NPTN: variants seen among roughly 807,000 people sequenced by gnomAD.
NPTN encodes the protein SDR-1.
A neutral mutation model predicts 42.7 loss-of-function variants in NPTN; 5 were observed. That is an observed-to-expected ratio of 0.12 (90% CI 0.06 to 0.25). The LOEUF (loss-of-function observed/expected upper bound fraction) is 0.25. NPTN is among the 10% of genes least tolerant of loss of function. NPTN has a pLI of 1.00. For missense variants in NPTN, 307 were observed against 525.4 expected (o/e 0.58, Z 4.06); for synonymous variants, 180 against 201.9 (o/e 0.89, Z 0.92).
rs565725520 is a variant in NPTN at position 73,578,004 on chromosome 15, G to A, written c.707-4209C>T. 1.9e-4 allele frequency among the ~76,000 whole-genome samples: 29 copies of A among 152,288 alleles called. No individual in the cohort carries two copies. The South Asian group carries it at 4.8e-3, about 25-fold the overall frequency. Reference sequence around the variant, plus strand: ...GGGAGTAGGTCACACATATCTGTAGGAAGAACACTCTAGGTCGAGGGAAAT... The same window carrying A: ...GGGAGTAGGTCACACATATCTGTAGAAAGAACACTCTAGGTCGAGGGAAAT... On this transcript the variant is annotated intron_variant, in intron 4 of 8. Transcript: ENST00000345330.
chr15:73,632,388 C>G (rs1222260090), intron 1 of NPTN, among the ~76,000 whole-genome samples: 1 of 151,596 alleles, frequency 6.6e-6, no homozygotes, highest in African/African-American at 2.4e-5. Flanking sequence ...TTTTTGCTCT[C>G]CCAACCACTA....
intron 6 of NPTN, 161 bp from the exon 7 acceptor site, chr15:73,563,418 A>C: frequency 7.1e-7 from 1 of 1,410,978 alleles, no homozygotes; most frequent in Middle Eastern, 2.6e-4. Context: ...GGTGCAAAAC[A>C]CTCATGGAGT....
chr15:73,610,290 C>T lies in NPTN; in HGVS notation c.92-12921G>A, dbSNP rs182679942. ...TTTTGTAGAGATGAGGGTCTTGCTACGTTTTTTGTACAGTATGCTAGTCTC... is the reference window on the plus strand; with the variant it reads ...TTTTGTAGAGATGAGGGTCTTGCTATGTTTTTTGTACAGTATGCTAGTCTC... On this transcript the variant is annotated intron_variant, in intron 1 of 8. Transcript: ENST00000345330. 2.2e-4 allele frequency among the ~76,000 whole-genome samples: 33 copies of T among 152,136 alleles called. No homozygotes were observed. The East Asian group carries it at 3.9e-3, about 18-fold the overall frequency.
chr15:73,574,034 C>G (rs1895552762), intron 4 of NPTN, among the ~76,000 whole-genome samples: 1 of 152,218 alleles, frequency 6.6e-6, no homozygotes, highest in South Asian at 2.1e-4. Flanking sequence ...ATATGAGGCT[C>G]TACTAATGTA....
At chr15:73,616,847 G>A (rs956312241) in intron 1 of NPTN, among the ~76,000 whole-genome samples, 6 of 152,138 alleles carry the variant, frequency 3.9e-5, no homozygotes, top group African/African-American at 1.2e-4. Flanking sequence ...AGCTGTCCCA[G>A]GAGTTACCCA....
At chr15:73,632,306 T>A (rs1486423497) in intron 1 of NPTN, among the ~76,000 whole-genome samples, 1 of 145,806 alleles carries the variant, frequency 6.9e-6, no homozygotes, top group Admixed American at 6.9e-5. Context: ...CTCTAATAAA[T>A]ATTCCCCCAC....
chr15:73,566,126 T>C lies in NPTN; in HGVS notation c.1115-2869A>G, dbSNP rs148544452. On this transcript the variant is annotated intron_variant, in intron 6 of 8. Coordinates refer to ENST00000345330, the MANE Select transcript of NPTN (RefSeq NM_012428.4). ...CCTTGTTTGGTCCTATTGCATTTTC[T>C]CCATGAGGTAACTTGTTATTGACCC... Among the ~76,000 whole-genome samples, 673 of 152,344 alleles carry C rather than the reference T, an allele frequency of 4.4e-3. 6 individuals carry two copies. Among genetic ancestry groups the C allele is most frequent in the African/African-American group, 0.015 (617 of 41,564 alleles).
At chr15:73,582,925 T>C (rs1163644968) in intron 4 of NPTN, among the ~76,000 whole-genome samples, 1 of 152,230 alleles carries the variant, frequency 6.6e-6, no homozygotes, top group Non-Finnish European at 1.5e-5. Flanking sequence ...TTCTTCAGTT[T>C]TGAGACTCGG....
intron 1 of NPTN, among the ~76,000 whole-genome samples, chr15:73,619,062 C>CAAAAA (rs61683372): frequency 1.6e-5 from 1 of 61,166 alleles, no homozygotes; most frequent in African/African-American, 5.1e-5. Context: ...GACCCTGTCT[C>CAAAAA]AAAAAAAAAA....
intron 4 of NPTN, among the ~76,000 whole-genome samples, chr15:73,582,262 G>T (rs1006494318): frequency 6.6e-6 from 1 of 152,182 alleles, no homozygotes; most frequent in Non-Finnish European, 1.5e-5. Context: ...TGCATTTACG[G>T]TCTATTTGCT....
chr15:73,588,389 T>C (rs543742005), intron 3 of NPTN, among the ~76,000 whole-genome samples: 9 of 152,166 alleles, frequency 5.9e-5, no homozygotes, highest in Non-Finnish European at 1.2e-4. Context: ...GGAGCATGCG[T>C]TTCCACAAGT....
intron 1 of NPTN, among the ~76,000 whole-genome samples, chr15:73,622,128 G>C (rs929072246): frequency 3.3e-5 from 5 of 152,196 alleles, no homozygotes; most frequent in South Asian, 4.2e-4. Context: ...TCCAGCCTGG[G>C]TGACAGAGTG....
intron 4 of NPTN, among the ~76,000 whole-genome samples, chr15:73,578,276 C>G (rs890346339): frequency 1.3e-5 from 2 of 151,962 alleles, no homozygotes; most frequent in South Asian, 2.1e-4. Flanking sequence ...ACAGGCTCCC[C>G]GTGGCTACTA....
intron 1 of NPTN, among the ~76,000 whole-genome samples, chr15:73,628,300 C>T (rs1240012824): frequency 1.3e-5 from 2 of 152,172 alleles, no homozygotes; most frequent in African/African-American, 4.8e-5. Context: ...ATTCTTGCAT[C>T]CTGCTTTTCT....
intron 1 of NPTN, among the ~76,000 whole-genome samples, chr15:73,620,028 C>T (rs1430444754): frequency 6.6e-6 from 1 of 152,144 alleles, no homozygotes; most frequent in East Asian, 1.9e-4. Context: ...TGCCAAAAAT[C>T]AGGGTTTCAA....
At chr15:73,603,936 G>A (rs1370244573) in intron 1 of NPTN, among the ~76,000 whole-genome samples, 1 of 152,116 alleles carries the variant, frequency 6.6e-6, no homozygotes, top group Non-Finnish European at 1.5e-5. Context: ...TCTTTATAGG[G>A]TAGTTGTGAA....
rs191027800 is a variant in NPTN, at chr15:73,598,530, A to G, written c.92-1161T>C. Among the ~76,000 whole-genome samples, 394 of 152,128 alleles carry G rather than the reference A, an allele frequency of 2.6e-3. 1 individual carries two copies. The highest frequency in any genetic ancestry group is 4.1e-3 in the Non-Finnish European group (278 of 68,026). On this transcript the variant is annotated intron_variant, in intron 1 of 8. Coordinates refer to ENST00000345330, the MANE Select transcript of NPTN (RefSeq NM_012428.4). Reference sequence around the variant, plus strand: ...ACTTGGAGTTAGGTCCATAGGAAACAAAATCAGAGTGCAAGCATACTCTCT... The same window carrying G: ...ACTTGGAGTTAGGTCCATAGGAAACGAAATCAGAGTGCAAGCATACTCTCT...
intron 6 of NPTN, 65 bp from the exon 7 acceptor site, chr15:73,563,322 A>G: frequency 6.2e-7 from 1 of 1,601,840 alleles, no homozygotes; most frequent in South Asian, 1.1e-5. Context: ...AAACTGTTAG[A>G]TTCTGCATAA....
chr15:73,565,027 G>A (rs1894899756), intron 6 of NPTN, among the ~76,000 whole-genome samples: 1 of 152,172 alleles, frequency 6.6e-6, no homozygotes, highest in Non-Finnish European at 1.5e-5. Flanking sequence ...TTGGAGTGTG[G>A]GTATTCCCTG....
Sources: allele counts gnomAD v4.1 joint callset (sites outside exome capture counted in the v4.1 genomes callset), GRCh38; gene constraint gnomAD v4.1.1; transcripts MANE v1.5; gene names NCBI Gene and HGNC (gene_info 2026-07-23, HGNC 2026-07-21).